Variants in ADCY9 observed in about 807,000 individuals in gnomAD.
ADCY9 encodes the protein adenylate cyclase 9.
A neutral mutation model predicts 101.5 loss-of-function variants in ADCY9; 50 were observed. The observed-to-expected ratio is 0.49, with a 90% CI of 0.39 to 0.62. The LOEUF is 0.62. Among genes scored for constraint, ADCY9 ranks in the 20% least tolerant of loss-of-function variants. ADCY9 has a pLI of 0.00. For missense variants in ADCY9, 1,662 were observed against 1,800.4 expected (o/e 0.92, Z 1.39); for synonymous variants, 905 against 769.3 (o/e 1.18, Z -2.92).
chr16:3,989,210 C>T (rs2056223702), intron 5 of ADCY9, 114 bp from the exon 6 acceptor site: 5 of 721,362 alleles, frequency 6.9e-6, no homozygotes, highest in East Asian at 2.7e-5. Flanking sequence ...ACAACAGCTG[C>T]GTCTAAAAGC....
At chr16:4,059,894 T>C (rs998465441) in intron 2 of ADCY9, among the ~76,000 whole-genome samples, 3 of 152,222 alleles carry the variant, frequency 2.0e-5, no homozygotes, top group African/African-American at 7.2e-5. Flanking sequence ...GAAGGCCTCA[T>C]CTCAAGAATT....
At chr16:4,012,193 C>T (rs1403037810) in intron 2 of ADCY9, among the ~76,000 whole-genome samples, 1 of 152,134 alleles carries the variant, frequency 6.6e-6, no homozygotes, top group Non-Finnish European at 1.5e-5. Context: ...CGAGCAAAAT[C>T]GGGAAGTAAA....
intron 2 of ADCY9, among the ~76,000 whole-genome samples, chr16:4,065,951 G>A (rs916458019): frequency 2.0e-5 from 3 of 152,208 alleles, no homozygotes; most frequent in East Asian, 3.8e-4. Context: ...TGATCTGCCC[G>A]CCTTGGCCTC....
intron 2 of ADCY9, among the ~76,000 whole-genome samples, chr16:4,044,138 G>T (rs900049756): frequency 6.6e-6 from 1 of 152,078 alleles, no homozygotes; most frequent in Non-Finnish European, 1.5e-5. Flanking sequence ...CCTGAGATCA[G>T]GAGTTCGACA....
In ADCY9 at chr16:4,113,756, A is replaced by G. The variant is rs965825302; in HGVS notation, c.1687T>C (p.Leu563=). 1.3e-5 allele frequency: 21 copies of G among 1,612,028 alleles called. No individual in the cohort carries two copies. The highest frequency in any genetic ancestry group is 1.1e-4 in the East Asian group (5 of 44,824). Residue 563 remains leucine (L), a synonymous_variant, in exon 2 of 11, where the codon TTG becomes CTG. Transcript: ENST00000294016. ...GGTAAAGCAGTGCACATACCTTTCAACTGGTCAGCAACCACGCTCTGGCCC... is the reference window on the plus strand; with the variant it reads ...GGTAAAGCAGTGCACATACCTTTCAGCTGGTCAGCAACCACGCTCTGGCCC... ...RLGQSVVADQ[L]KGLKTYLISG...
At chr16:3,953,442 G>T (rs1373338735) in exon 6 of ADCY9, 2 of 151,964 alleles carry the variant, frequency 1.3e-5, no homozygotes, top group Admixed American at 6.6e-5. Context: ...TTACAATTAG[G>T]CTCCTGCACG....
In ADCY9 at chr16:4,020,825, CA is replaced by C. The variant is rs34374759; in HGVS notation, c.1694-13268del. Among the ~76,000 whole-genome samples the C allele has an allele frequency of 1.8e-4, 25 of 138,602 alleles. 3 individuals carry two copies. Among genetic ancestry groups the C allele is most frequent in the African/African-American group, 3.8e-4 (14 of 36,818 alleles). The allele number at this position is 138,602 out of a possible 152,430, so 90.9% of individuals were successfully genotyped here. The stretch of plus-strand genomic sequence containing the variant: ...TGGGCGACAGAGCGAGACTCCGTCT[CA>C]AAAAAAAAAAAAGAAAGTGGAATAG... On this transcript the variant is annotated intron_variant, in intron 2 of 10. Coordinates refer to ENST00000294016, the MANE Select transcript of ADCY9 (RefSeq NM_001116.4).
chr16:4,087,152 G>A (rs145837894), intron 2 of ADCY9, among the ~76,000 whole-genome samples: 91 of 152,046 alleles, frequency 6.0e-4, no homozygotes, highest in African/African-American at 1.9e-3. Context: ...ACATTTACCT[G>A]CACCCCTCAT....
At chr16:4,091,430 G>A (rs549907896) in intron 2 of ADCY9, among the ~76,000 whole-genome samples, 9 of 152,234 alleles carry the variant, frequency 5.9e-5, no homozygotes, top group South Asian at 2.1e-4. Flanking sequence ...CAGAGTTACC[G>A]CGTGACCCAG....
chr16:4,077,034 G>C (rs137957017), intron 2 of ADCY9, among the ~76,000 whole-genome samples: 4,346 of 149,080 alleles, frequency 0.029, 195 homozygotes, highest in African/African-American at 0.1. Flanking sequence ...CCGAGATCAC[G>C]CCATTGCATT....
chr16:3,994,096 G>T (rs571594094), intron 3 of ADCY9, among the ~76,000 whole-genome samples: 1 of 152,240 alleles, frequency 6.6e-6, no homozygotes, highest in African/African-American at 2.4e-5. Flanking sequence ...GGCATTGGGG[G>T]GCAAAGCCTT....
rs190519124 is a variant in ADCY9 at position 4,081,199 on chromosome 16, G to A, written c.1693+32551C>T. Among the ~76,000 whole-genome samples the A allele has an allele frequency of 3.9e-5, 6 of 152,278 alleles. No individual in the cohort carries two copies. In the East Asian group the frequency reaches 1.2e-3, roughly 29 times the overall value. On this transcript the variant is annotated intron_variant, in intron 2 of 10. Transcript: ENST00000294016. ...CATTCCCTGCACCTCACACACATCTGCTCTCGTGGAACACAAACTGGAACT... is the reference window on the plus strand; with the variant it reads ...CATTCCCTGCACCTCACACACATCTACTCTCGTGGAACACAAACTGGAACT...
intron 2 of ADCY9, among the ~76,000 whole-genome samples, chr16:4,077,182 T>C (rs2056872944): frequency 6.6e-6 from 1 of 152,044 alleles, no homozygotes; most frequent in Non-Finnish European, 1.5e-5. Context: ...CTGTAAGCCC[T>C]ATACAGGGAA....
chr16:3,971,838 C>A (rs536015860), intron 10 of ADCY9, among the ~76,000 whole-genome samples: 229 of 152,244 alleles, frequency 1.5e-3, no homozygotes, highest in Non-Finnish European at 2.5e-3. Flanking sequence ...TGTATCTGGG[C>A]TTCTCAATCA....
chr16:4,045,947 C>G (rs867178805), intron 2 of ADCY9, among the ~76,000 whole-genome samples: 1 of 142,504 alleles, frequency 7.0e-6, no homozygotes, highest in African/African-American at 2.6e-5. Flanking sequence ...TAGGCTCAAG[C>G]GATCCTCCCA....
intron 2 of ADCY9, among the ~76,000 whole-genome samples, chr16:4,094,619 C>A (rs991550150): frequency 6.6e-6 from 1 of 151,766 alleles, no homozygotes; most frequent in Non-Finnish European, 1.5e-5. Context: ...CAGCAAGACC[C>A]CCATCTCTAA....
intron 2 of ADCY9, among the ~76,000 whole-genome samples, chr16:4,014,176 G>A (rs2056422159): frequency 6.6e-6 from 1 of 151,904 alleles, no homozygotes; most frequent in Non-Finnish European, 1.5e-5. Flanking sequence ...AAAATTAACT[G>A]GGCGTGGTGG....
intron 7 of ADCY9, among the ~76,000 whole-genome samples, chr16:3,980,206 G>A (rs537101167): frequency 6.6e-6 from 1 of 152,370 alleles, no homozygotes; most frequent in East Asian, 1.9e-4. Flanking sequence ...CTTCTAAGCA[G>A]AGCGACTGTA....
intron 2 of ADCY9, among the ~76,000 whole-genome samples, chr16:4,016,811 G>A (rs1443783000): frequency 6.6e-6 from 1 of 152,196 alleles, no homozygotes; most frequent in African/African-American, 2.4e-5. Flanking sequence ...ATGAGTGGCT[G>A]CCATGGGTTT....
Sources: gnomAD v4.1 joint callset for allele counts (sites outside exome capture counted in the v4.1 genomes callset) on GRCh38, gnomAD v4.1.1 for gene constraint, MANE v1.5 for transcripts, NCBI Gene and HGNC (gene_info 2026-07-23, HGNC 2026-07-21) for gene names.